The following CADM2 variants were observed in gnomAD, a reference collection of about 807,000 sequenced individuals.
CADM2 encodes immunoglobulin superfamily member 4D.
Under a neutral mutation model 49.8 loss-of-function variants are expected in CADM2, and 12 were observed. The observed-to-expected ratio is 0.24, with a 90% CI of 0.15 to 0.39. CADM2 has a LOEUF of 0.39. Ranked by LOEUF, CADM2 falls within the 10% of genes least tolerant of loss-of-function variation. The pLI is 1.00. For synonymous variants in CADM2, 214 were observed against 175.4 expected, an observed-to-expected ratio of 1.22 and a Z score of -1.74; for missense variants, 378 against 492.3, an observed-to-expected ratio of 0.77 and a Z score of 2.20.
chr3:85,703,475 G>A (rs1435819991), intron 1 of CADM2, among the ~76,000 whole-genome samples: 1 of 152,034 alleles, frequency 6.6e-6, no homozygotes, highest in Non-Finnish European at 1.5e-5. Flanking sequence ...CCTCACAAGG[G>A]CAAATGATTT....
chr3:85,609,196 G>A (rs915314248), intron 1 of CADM2, among the ~76,000 whole-genome samples: 2 of 151,972 alleles, frequency 1.3e-5, no homozygotes, highest in East Asian at 1.9e-4. Context: ...ATTCTCATGA[G>A]TGTGAAGAAT....
chr3:85,861,969 C>T (rs1187746508), intron 3 of CADM2, among the ~76,000 whole-genome samples: 1 of 151,938 alleles, frequency 6.6e-6, no homozygotes, highest in African/African-American at 2.4e-5. Context: ...TATTGACATC[C>T]CTTCCATCCT....
intron 1 of CADM2, among the ~76,000 whole-genome samples, chr3:85,062,660 T>C (rs2036375840): frequency 6.6e-6 from 1 of 151,790 alleles, no homozygotes; most frequent in Non-Finnish European, 1.5e-5. Context: ...AATACATTAA[T>C]GTAATATTTT....
intron 1 of CADM2, among the ~76,000 whole-genome samples, chr3:85,358,398 T>A (rs1227032462): frequency 7.3e-5 from 11 of 150,070 alleles, no homozygotes; most frequent in East Asian, 1.9e-4. Context: ...AAAAAAAATA[T>A]ATATATATAG....
chr3:85,871,329 T>A (rs953792410), intron 3 of CADM2, among the ~76,000 whole-genome samples: 3 of 152,070 alleles, frequency 2.0e-5, no homozygotes, highest in Non-Finnish European at 2.9e-5. Context: ...CCACTAAATG[T>A]TTTTTAAGTC....
chr3:85,814,930 T>C (rs1431965544), intron 3 of CADM2, among the ~76,000 whole-genome samples: 2 of 151,774 alleles, frequency 1.3e-5, no homozygotes, highest in Non-Finnish European at 2.9e-5. Flanking sequence ...TAGAATACTA[T>C]AGAAATACAA....
At chr3:85,934,797 A>C (rs1720999900) in intron 6 of CADM2, among the ~76,000 whole-genome samples, 1 of 151,996 alleles carries the variant, frequency 6.6e-6, no homozygotes, top group African/African-American at 2.4e-5. Flanking sequence ...ATAACAGTGC[A>C]GATCAGTCCT....
intron 1 of CADM2, among the ~76,000 whole-genome samples, chr3:85,711,373 A>G (rs1333077117): frequency 6.6e-6 from 1 of 152,176 alleles, no homozygotes; most frequent in African/African-American, 2.4e-5. Flanking sequence ...TTTGAAATTA[A>G]CACTGTCTGA....
chr3:85,288,279 T>G (rs1012126751), intron 1 of CADM2, among the ~76,000 whole-genome samples: 2 of 152,074 alleles, frequency 1.3e-5, no homozygotes, highest in Non-Finnish European at 2.9e-5. Context: ...CAAGTGTATA[T>G]GGAATTATGA....
chr3:85,809,284 A>G (rs1012097200), intron 3 of CADM2, among the ~76,000 whole-genome samples: 1 of 152,154 alleles, frequency 6.6e-6, no homozygotes, highest in Admixed American at 6.5e-5. Flanking sequence ...TAAATGACAA[A>G]GCAATGAAGA....
intron 2 of CADM2, among the ~76,000 whole-genome samples, chr3:85,731,038 C>A (rs2107795424): frequency 6.6e-6 from 1 of 152,170 alleles, no homozygotes; most frequent in African/African-American, 2.4e-5. Context: ...AAAGGAGAAT[C>A]AGTATTTCAA....
intron 1 of CADM2, among the ~76,000 whole-genome samples, chr3:85,099,730 A>G (rs2107541704): frequency 6.6e-6 from 1 of 152,224 alleles, no homozygotes; most frequent in Non-Finnish European, 1.5e-5. Flanking sequence ...TCAGCCTCCC[A>G]AAGTGCTGGG....
At chr3:85,253,714 A>C (rs1295421079) in intron 1 of CADM2, among the ~76,000 whole-genome samples, 4 of 152,042 alleles carry the variant, frequency 2.6e-5, no homozygotes. Context: ...TTTACTAGCT[A>C]TGTGGCCAAA....
chr3:85,273,115 A>G (rs1188004900), intron 1 of CADM2, among the ~76,000 whole-genome samples: 2 of 151,268 alleles, frequency 1.3e-5, no homozygotes, highest in African/African-American at 4.8e-5. Flanking sequence ...AGGTGTAGTC[A>G]GGGAAAAGAG....
At position 85,784,344 on chromosome 3, in the gene CADM2, T is replaced by C. The variant is rs185410440; in HGVS notation, c.89-17703T>C. On this transcript the variant is annotated intron_variant, in intron 2 of 9. Transcript: ENST00000383699. ...TAAACAAGGGATTGCTATGAAGCAA[T>C]AAGGCTAATTTTTTATTATAACTTC... Among the ~76,000 whole-genome samples the C allele has an allele frequency of 3.2e-3, 481 of 152,258 alleles. 1 individual carries two copies. The highest frequency in any genetic ancestry group is 0.011 in the African/African-American group (463 of 41,562).
chr3:85,744,158 G>T (rs1451051887), intron 2 of CADM2, among the ~76,000 whole-genome samples: 3 of 152,044 alleles, frequency 2.0e-5, no homozygotes, highest in African/African-American at 7.3e-5. Context: ...TACTTAAACT[G>T]GAGTAATGGA....
intron 1 of CADM2, among the ~76,000 whole-genome samples, chr3:85,512,685 AAAAG>A (rs2040673743): frequency 6.6e-6 from 1 of 150,726 alleles, no homozygotes; most frequent in Non-Finnish European, 1.5e-5. Context: ...TAAAATATAA[AAAAG>A]AAGTGATTTT....
intron 1 of CADM2, among the ~76,000 whole-genome samples, chr3:85,459,616 T>G (rs139826056): frequency 5.3e-4 from 80 of 152,366 alleles, no homozygotes; most frequent in African/African-American, 1.8e-3. Context: ...GACTATTAGA[T>G]TCAATAAAAC....
chr3:85,009,490 T>C (rs1019994700), intron 1 of CADM2, among the ~76,000 whole-genome samples: 1 of 152,224 alleles, frequency 6.6e-6, no homozygotes, highest in Admixed American at 6.5e-5. Flanking sequence ...CCAAATTACA[T>C]TGATTCCAAT....
Sources: allele counts gnomAD v4.1 joint callset (sites outside exome capture counted in the v4.1 genomes callset), GRCh38; gene constraint gnomAD v4.1.1; transcripts MANE v1.5; gene names NCBI Gene and HGNC (gene_info 2026-07-23, HGNC 2026-07-21).